The following RASSF1 variants were observed in gnomAD, a reference collection of about 807,000 sequenced individuals.
RASSF1 encodes ras association domain-containing protein 1.
A neutral mutation model predicts 34.3 loss-of-function variants in RASSF1; 33 were observed. The ratio of observed to expected loss-of-function variants is 0.96; its 90% CI spans 0.73 to 1.29. RASSF1 has a LOEUF of 1.29. Among genes scored for constraint, RASSF1 ranks in the 50% most tolerant of loss-of-function variants. The pLI is 0.00. For missense variants in RASSF1, 445 were observed against 471.8 expected (o/e 0.94, Z 0.53); for synonymous variants, 191 against 195.0 (o/e 0.98, Z 0.17).
In RASSF1 at chr3:50,330,570, G is replaced by A; in HGVS notation, c.*11C>T. On this transcript the variant is annotated 3_prime_UTR_variant, in exon 6 of 6. Transcript: ENST00000359365. The surrounding 1 kb of genome is among the most constrained non-coding windows in gnomAD (Gnocchi z 4.5). ...GCCTGCTGTCTGCCTTCCACCTGGG[G>A]GTACAAGAGGTCACCCAAGGGGGCA... 1 of 1,613,652 alleles carries A rather than the reference G, an allele frequency of 6.2e-7. No homozygotes were observed. Among genetic ancestry groups the A allele is most frequent in the Non-Finnish European group, 8.5e-7 (1 of 1,179,890 alleles).
At chr3:50,340,323 G>C (rs1703316036) in intron 1 of RASSF1, among the ~76,000 whole-genome samples, 1 of 152,232 alleles carries the variant, frequency 6.6e-6, no homozygotes, top group Non-Finnish European at 1.5e-5. Context: ...CTTAAAATCA[G>C]CGTATTTTTA....
At chr3:50,333,094 CAA>C (rs201713583) in intron 2 of RASSF1, among the ~76,000 whole-genome samples, 2 of 141,272 alleles carry the variant, frequency 1.4e-5, no homozygotes, top group Admixed American at 7.1e-5. Context: ...AACTCGGTCT[CAA>C]AAAAAAAAAA....
At chr3:50,334,546 G>A (rs1703058659) in intron 2 of RASSF1, among the ~76,000 whole-genome samples, 1 of 152,238 alleles carries the variant, frequency 6.6e-6, no homozygotes, top group Admixed American at 6.5e-5. Context: ...TAGTGCCAGG[G>A]CAAGAAGGAA....
At chr3:50,337,352 T>TC (rs748831936) in intron 2 of RASSF1, 2 of 1,605,008 alleles carry the variant, frequency 1.2e-6, no homozygotes, top group Non-Finnish European at 1.7e-6. Flanking sequence ...GTCCTGCGCG[T>TC]CCGTAGCCGC....
At chr3:50,337,797 G>C in intron 2 of RASSF1, 108 bp downstream of exon 2, 3 of 1,167,980 alleles carry the variant, frequency 2.6e-6, no homozygotes, top group Admixed American at 2.5e-5. Flanking sequence ...CCGGGAAATC[G>C]GCAATTAGAA....
In RASSF1 at chr3:50,337,984, C is replaced by T. The variant is rs751745768; in HGVS notation, c.278G>A (p.Cys93Tyr). The T allele has an allele frequency of 1.2e-6, 2 of 1,605,452 alleles. No homozygotes were observed. Among genetic ancestry groups the T allele is most frequent in the African/African-American group, 1.3e-5 (1 of 74,842 alleles). ...AHCKFTCHYRCRALVCLDCCG... is the reference protein window; with the variant it reads ...AHCKFTCHYRYRALVCLDCCG... ...ACAGTCCAGGCAGACGAGCGCGCGG[C>T]AGCGGTAGTGGCAGGTGAACTTGCA... Residue 93 changes from cysteine to tyrosine, a missense_variant, in exon 2 of 6, where the codon TGC becomes TAC. By Grantham distance (194) the Cys-to-Tyr change is radical (BLOSUM62 -2). Transcript: ENST00000359365.
At chr3:50,338,217 G>A in intron 1 of RASSF1, 1 of 1,401,776 alleles carries the variant, frequency 7.1e-7, no homozygotes. Context: ...CAGGCAGAGA[G>A]GCCTGCTCAA....
intron 1 of RASSF1, among the ~76,000 whole-genome samples, chr3:50,339,273 CT>C (rs1030333303): frequency 6.6e-6 from 1 of 152,016 alleles, no homozygotes; most frequent in Non-Finnish European, 1.5e-5. Flanking sequence ...GTCTCTACCT[CT>C]GATAAACATG....
In RASSF1 at chr3:50,331,754, G is replaced by A. The variant is rs202189473; in HGVS notation, c.565C>T (p.Arg189Trp). 32 of 1,610,034 alleles carry A rather than the reference G, an allele frequency of 2.0e-5. No homozygotes were observed. Among genetic ancestry groups the A allele is most frequent in the African/African-American group, 4.0e-5 (3 of 74,872 alleles). The change falls in exon 4 of 6, where the codon CGG (arginine) becomes TGG (tryptophan). Residue 189 changes from arginine to tryptophan, a missense_variant. Transcript: ENST00000359365. ...CTTGTGCCCCGTCCTGGGCCCCGCC[G>A]GGCATCCTGCAAGGAGGGTGGCTTC... is the stretch of plus-strand genomic sequence containing the variant. ...SKKPPSLQDA[R>W]RGPGRGTSVR...
intron 2 of RASSF1, among the ~76,000 whole-genome samples, chr3:50,335,318 T>C (rs1054005609): frequency 1.0e-4 from 15 of 144,194 alleles, no homozygotes; most frequent in East Asian, 4.0e-4. Flanking sequence ...TCTTTCTTTT[T>C]TTTTTTTTTT....
Position 50,331,709 on chromosome 3 carries a change from AG to A in RASSF1, c.609del (p.Tyr205ThrfsTer75). 3 of 1,613,238 alleles carry A rather than the reference AG, an allele frequency of 1.9e-6. No homozygotes were observed. The highest frequency in any genetic ancestry group is 2.5e-6 in the Non-Finnish European group (3 of 1,179,498). On this transcript the variant is annotated frameshift_variant, in exon 4 of 6. Coordinates refer to ENST00000359365, the MANE Select transcript of RASSF1 (RefSeq NM_007182.5). LOFTEE classifies it high-confidence loss of function. ...GRGTSVRRRT[S>X]FYLPKDAVKH... ...TTGACAGCATCCTTGGGCAGGTAAA[AG>A]GAAGTGCGGCGCCTGACACTTGTGC...
intron 3 of RASSF1, 83 bp downstream of exon 3, chr3:50,331,967 C>A: frequency 6.4e-7 from 1 of 1,572,688 alleles, no homozygotes; most frequent in South Asian, 1.1e-5. Context: ...CCCAAGATAA[C>A]CTCAGTTGTG....
chr3:50,336,362 C>T (rs1315437245), intron 2 of RASSF1: 1 of 152,216 alleles, frequency 6.6e-6, no homozygotes, highest in East Asian at 1.9e-4. Context: ...TTCCTGGTGC[C>T]TAGGCCTGGT....
chr3:50,332,004 G>A, intron 3 of RASSF1, 46 bp downstream of exon 3: 1 of 1,596,628 alleles, frequency 6.3e-7, no homozygotes, highest in South Asian at 1.1e-5. Flanking sequence ...GCACATAGCT[G>A]GGTACCTGCT....
rs1319067927 is a variant in RASSF1 at position 50,337,051 on chromosome 3, G to A, written c.357+854C>T. The A allele has an allele frequency of 5.4e-6, 7 of 1,287,340 alleles. No individual in the cohort carries two copies. In the Admixed American group the frequency reaches 1.8e-4, roughly 34 times the overall value. 79.7% of individuals were successfully genotyped at this position (1,287,340 alleles called of 1,614,324 possible). ...GGGCAGGTCCCCGGCCAGGACCCGC[G>A]GGGAGCCACGTAGCCAGGAGGGTGG... On this transcript the variant is annotated intron_variant, in intron 2 of 5. Coordinates refer to ENST00000359365, the MANE Select transcript of RASSF1 (RefSeq NM_007182.5).
chr3:50,332,243 A>G, intron 2 of RASSF1, 89 bp from the exon 3 acceptor site: 1 of 1,142,138 alleles, frequency 8.8e-7, no homozygotes, highest in Non-Finnish European at 1.3e-6. Flanking sequence ...TTGGAAACTG[A>G]CTGCCTTTGG....
chr3:50,332,955 G>A (rs1342140546), intron 2 of RASSF1, among the ~76,000 whole-genome samples: 1 of 152,204 alleles, frequency 6.6e-6, no homozygotes, highest in Non-Finnish European at 1.5e-5. Flanking sequence ...TTAGCCAGGC[G>A]TGGTGGCACA....
intron 2 of RASSF1, among the ~76,000 whole-genome samples, chr3:50,335,753 A>G (rs1444936393): frequency 1.3e-5 from 2 of 149,056 alleles, no homozygotes; most frequent in Non-Finnish European, 3.0e-5. Flanking sequence ...CTACAGTCAC[A>G]CACCACCATG....
chr3:50,332,989 G>A (rs1007350030), intron 2 of RASSF1, among the ~76,000 whole-genome samples: 2 of 152,144 alleles, frequency 1.3e-5, no homozygotes, highest in Non-Finnish European at 2.9e-5. Context: ...AGCTACTTAG[G>A]AGGCTGAGGC....
Sources: allele counts gnomAD v4.1 joint callset (sites outside exome capture counted in the v4.1 genomes callset), GRCh38; gene constraint gnomAD v4.1.1; non-coding constraint Gnocchi (gnomAD v3.1); transcripts MANE v1.5; gene names NCBI Gene and HGNC (gene_info 2026-07-23, HGNC 2026-07-21).